Variants in LEPR observed in about 807,000 individuals in gnomAD.
The protein encoded by LEPR is leptin receptor.
A neutral mutation model predicts 114.7 loss-of-function variants in LEPR; 56 were observed. The ratio of observed to expected loss-of-function variants is 0.49; its 90% CI spans 0.39 to 0.61. The LOEUF (loss-of-function observed/expected upper bound fraction) is 0.61, where lower values mean the gene tolerates loss of function less well. Ranked by LOEUF, LEPR falls within the 20% of genes least tolerant of loss-of-function variation. The pLI is 0.00. For synonymous variants in LEPR, 443 were observed against 461.4 expected (o/e 0.96, Z 0.51); for missense variants, 1,202 against 1,352.9 (o/e 0.89, Z 1.75).
intron 2 of LEPR, among the ~76,000 whole-genome samples, chr1:65,440,581 T>C (rs1261315836): frequency 6.6e-6 from 1 of 152,124 alleles, no homozygotes; most frequent in African/African-American, 2.4e-5. Context: ...GAGGCAGTTA[T>C]GGAGGCGGCA....
chr1:65,511,426 GTA>G (rs1491158693), intron 2 of LEPR, among the ~76,000 whole-genome samples: 3 of 111,762 alleles, frequency 2.7e-5, no homozygotes, highest in Admixed American at 1.0e-4. Context: ...ATATATATAT[GTA>G]TACACACACA....
chr1:65,553,519 C>A (rs1267815125), intron 2 of LEPR, among the ~76,000 whole-genome samples: 1 of 151,900 alleles, frequency 6.6e-6, no homozygotes, highest in Non-Finnish European at 1.5e-5. Context: ...CTATTGATAC[C>A]TGTGTATGCT....
chr1:65,621,734 C>T (rs1464619517), intron 18 of LEPR, among the ~76,000 whole-genome samples: 1 of 152,178 alleles, frequency 6.6e-6, no homozygotes, highest in Non-Finnish European at 1.5e-5. Context: ...TGAGGGGCTT[C>T]TGGCCAATTT....
chr1:65,596,339 G>A (rs921933445), intron 6 of LEPR, 109 bp from the exon 7 acceptor site: 2 of 1,359,308 alleles, frequency 1.5e-6, no homozygotes, highest in Non-Finnish European at 2.1e-6. Context: ...CACCTTTTAA[G>A]TACTTGAAAG....
chr1:65,539,125 T>G (rs1570639241), intron 2 of LEPR, among the ~76,000 whole-genome samples: 1 of 13,104 alleles, frequency 7.6e-5, no homozygotes, highest in Non-Finnish European at 2.0e-4. Context: ...ACCATTGAAA[T>G]TTTTTTTTTG....
chr1:65,506,228 G>A (rs1019288323), intron 2 of LEPR, among the ~76,000 whole-genome samples: 3 of 152,152 alleles, frequency 2.0e-5, no homozygotes, highest in African/African-American at 4.8e-5. Flanking sequence ...AGACACTCAA[G>A]TTACCGGGAT....
intron 5 of LEPR, 26 bp downstream of exon 5, chr1:65,572,475 A>G (rs1557671037): frequency 1.3e-6 from 2 of 1,571,822 alleles, no homozygotes; most frequent in East Asian, 2.2e-5. Flanking sequence ...TTAATTTGGC[A>G]TTTCTAATAC....
chr1:65,433,070 G>C (rs186487517), intron 2 of LEPR: 5 of 985,380 alleles, frequency 5.1e-6, no homozygotes, highest in Non-Finnish European at 6.0e-6. Flanking sequence ...GGCTGGGCTC[G>C]AGCCAGCCCC....
intron 2 of LEPR, among the ~76,000 whole-genome samples, chr1:65,453,613 G>A (rs1021103263): frequency 3.4e-4 from 52 of 152,218 alleles, no homozygotes; most frequent in South Asian, 1.2e-3. Flanking sequence ...TTAATCCTGC[G>A]TTCTAGTTTG....
At chr1:65,594,146 G>A (rs1570773333) in intron 6 of LEPR, among the ~76,000 whole-genome samples, 1 of 151,908 alleles carries the variant, frequency 6.6e-6, no homozygotes, top group Non-Finnish European at 1.5e-5. Flanking sequence ...CTACTATGTA[G>A]ATCAAAGAAG....
At chr1:65,572,607 T>C (rs1250776777) in intron 5 of LEPR, among the ~76,000 whole-genome samples, 158 bp downstream of exon 5, 1 of 152,162 alleles carries the variant, frequency 6.6e-6, no homozygotes, top group Non-Finnish European at 1.5e-5. Context: ...TTTCCTCTTT[T>C]CTCCTCCTGC....
chr1:65,436,475 T>C (rs1646564445), intron 2 of LEPR, among the ~76,000 whole-genome samples: 1 of 152,258 alleles, frequency 6.6e-6, no homozygotes, highest in Non-Finnish European at 1.5e-5. Context: ...TCAAGCTAGT[T>C]ATTTCTTTGC....
intron 18 of LEPR, among the ~76,000 whole-genome samples, chr1:65,622,530 TTTTAGAA>T: frequency 1.3e-5 from 2 of 152,102 alleles, no homozygotes; most frequent in Non-Finnish European, 2.9e-5. Context: ...AGAGAGGAGA[TTTTAGAA>T]TCTGAATTTA....
chr1:65,580,594 G>A (rs951732711), intron 5 of LEPR, among the ~76,000 whole-genome samples: 2 of 152,116 alleles, frequency 1.3e-5, no homozygotes, highest in African/African-American at 4.8e-5. Context: ...TTAGATCTAG[G>A]AAGGAAATTC....
intron 2 of LEPR, among the ~76,000 whole-genome samples, chr1:65,453,499 CA>C (rs1426147514): frequency 6.6e-6 from 1 of 151,922 alleles, no homozygotes. Context: ...TCGTTGGTTT[CA>C]AAGAACATCT....
At position 65,636,215 on chromosome 1, in the gene LEPR, A is replaced by T. The variant is rs142647085; in HGVS notation, c.2698A>T (p.Ile900Phe). 6.2e-7 allele frequency: 1 copy of T among 1,613,784 alleles called. No individual in the cohort carries two copies. Among genetic ancestry groups the T allele is most frequent in the Non-Finnish European group, 8.5e-7 (1 of 1,179,858 alleles). The change falls in exon 20 of 20, where the codon ATC becomes TTC. Residue 900 changes from isoleucine (I) to phenylalanine (F), a missense_variant. Coordinates refer to ENST00000349533, the MANE Select transcript of LEPR (RefSeq NM_002303.6). The stretch of plus-strand genomic sequence containing the variant: ...GCCAGAAACGTTTGAGCATCTTTTT[A>T]TCAAGCATACAGCATCAGTGACATG... The part of the protein sequence containing the change: ...QKPETFEHLF[I>F]KHTASVTCGP...
chr1:65,453,104 T>G (rs1646811559), intron 2 of LEPR, among the ~76,000 whole-genome samples: 1 of 152,338 alleles, frequency 6.6e-6, no homozygotes, highest in South Asian at 2.1e-4. Context: ...TAGTTTGTAT[T>G]TCTGTGGGAT....
At chr1:65,493,521 A>AT (rs768205482) in intron 2 of LEPR, among the ~76,000 whole-genome samples, 1 of 152,088 alleles carries the variant, frequency 6.6e-6, no homozygotes, top group East Asian at 1.9e-4. Context: ...CTTTATAGAT[A>AT]TTTTTTTCAT....
At chr1:65,431,287 C>T (rs1557585663) in intron 2 of LEPR, among the ~76,000 whole-genome samples, 1 of 152,122 alleles carries the variant, frequency 6.6e-6, no homozygotes. Context: ...ACAAAAAATG[C>T]CCACTAGAGG....
Sources: gnomAD v4.1 joint callset for allele counts (sites outside exome capture counted in the v4.1 genomes callset) on GRCh38, gnomAD v4.1.1 for gene constraint, MANE v1.5 for transcripts, NCBI Gene and HGNC (gene_info 2026-07-23, HGNC 2026-07-21) for gene names.